Variants in EYS observed in about 807,000 individuals in gnomAD.
EYS encodes EGF-like photoreceptor maintenance factor.
A neutral mutation model predicts 282.1 loss-of-function variants in EYS; 250 were observed. The ratio of observed to expected loss-of-function variants is 0.89; its 90% confidence interval spans 0.80 to 0.98. EYS has a LOEUF of 0.98. Ranked by LOEUF, EYS falls within the 50% of genes least tolerant of loss-of-function variation. The pLI is 0.00. For synonymous variants in EYS, 1,355 were observed against 1,282.9 expected (o/e 1.06, Z -1.20); for missense variants, 4,016 against 3,709.0 (o/e 1.08, Z -2.15).
At chr6:64,640,545 G>A (rs9688667) in intron 22 of EYS, among the ~76,000 whole-genome samples, 106,335 of 147,290 alleles carry the variant, frequency 0.72, 38,680 homozygotes, top group South Asian at 0.83. Flanking sequence ...CAGGAAGGGG[G>A]TCATCACACT....
At chr6:65,134,236 C>A (rs974417786) in intron 12 of EYS, among the ~76,000 whole-genome samples, 16 of 152,044 alleles carry the variant, frequency 1.1e-4, no homozygotes, top group Admixed American at 1.0e-3. Context: ...ACAGAATTAT[C>A]ATTTGACCCA....
chr6:65,588,194 G>T (rs1765118908), intron 2 of EYS, among the ~76,000 whole-genome samples: 2 of 151,938 alleles, frequency 1.3e-5, no homozygotes. Context: ...AAATTCTCTT[G>T]CCACATATTT....
At chr6:65,391,424 T>C (rs373758254) in intron 7 of EYS, among the ~76,000 whole-genome samples, 3 of 152,120 alleles carry the variant, frequency 2.0e-5, no homozygotes, top group Non-Finnish European at 4.4e-5. Context: ...AAAAACCCCA[T>C]TGTCTCAGCC....
At chr6:64,579,283 G>A (rs185086878) in intron 26 of EYS, among the ~76,000 whole-genome samples, 1 of 152,250 alleles carries the variant, frequency 6.6e-6, no homozygotes, top group African/African-American at 2.4e-5. Context: ...GGACAAAAAT[G>A]ATAAGCAGAA....
At chr6:65,544,512 C>A (rs190237435) in intron 2 of EYS, among the ~76,000 whole-genome samples, 88 of 152,118 alleles carry the variant, frequency 5.8e-4, no homozygotes, top group African/African-American at 2.0e-3. Flanking sequence ...GGCTTTCCCC[C>A]CTTTTGCTCT....
At chr6:64,600,310 A>G (rs1403645931) in intron 24 of EYS, among the ~76,000 whole-genome samples, 4 of 152,004 alleles carry the variant, frequency 2.6e-5, no homozygotes, top group African/African-American at 9.7e-5. Flanking sequence ...GTTCTATAAA[A>G]GATACATAGG....
intron 12 of EYS, among the ~76,000 whole-genome samples, chr6:65,124,082 G>A (rs1422149635): frequency 6.6e-6 from 1 of 152,020 alleles, no homozygotes; most frequent in African/African-American, 2.4e-5. Context: ...GCTGAGGTAG[G>A]CGGATCCCTT....
At chr6:64,653,267 A>G (rs1159626651) in intron 22 of EYS, among the ~76,000 whole-genome samples, 1 of 152,160 alleles carries the variant, frequency 6.6e-6, no homozygotes, top group Non-Finnish European at 1.5e-5. Flanking sequence ...ATCAACCCTG[A>G]TAACACCTTG....
chr6:63,720,845 G>A lies in EYS; in HGVS notation c.9186C>T (p.Asn3062=), dbSNP rs1203358626. Residue 3062 remains asparagine (N), a synonymous_variant, in exon 43 of 43, where the codon AAC becomes AAT. Transcript: ENST00000503581. ...CAATATCCTCGGAAAGAATTAGACT[G>A]TTATTTATGTAGGCCTTGATAAGAG... ...NQTLIKAYIN[N]SLILSEDIDP... 43 of 1,550,966 alleles carry A rather than the reference G, an allele frequency of 2.8e-5. No homozygotes were observed. The Admixed American group carries it at 6.7e-4, about 24-fold the overall frequency.
chr6:64,964,477 T>A (rs1000270346), intron 14 of EYS, among the ~76,000 whole-genome samples: 40 of 152,160 alleles, frequency 2.6e-4, no homozygotes. Flanking sequence ...AATTACATTT[T>A]TCTTTCCTGT....
At chr6:64,103,691 G>A (rs566754886) in intron 31 of EYS, among the ~76,000 whole-genome samples, 1 of 152,290 alleles carries the variant, frequency 6.6e-6, no homozygotes, top group South Asian at 2.1e-4. Flanking sequence ...TCTATGAGCA[G>A]AGAAGCAGCA....
intron 29 of EYS, among the ~76,000 whole-genome samples, chr6:64,359,601 T>TCAATCAGAG (rs1771938508): frequency 6.6e-6 from 1 of 151,760 alleles, no homozygotes; most frequent in African/African-American, 2.4e-5. Flanking sequence ...GAATATTTGC[T>TCAATCAGAG]CAATCAGAGT....
chr6:65,299,298 A>T (rs1768749899), intron 11 of EYS, among the ~76,000 whole-genome samples: 1 of 152,088 alleles, frequency 6.6e-6, no homozygotes, highest in African/African-American at 2.4e-5. Context: ...TATTTTTGGT[A>T]ATTTTTCTAC....
At chr6:64,389,801 A>G (rs1422279517) in intron 28 of EYS, among the ~76,000 whole-genome samples, 4 of 152,202 alleles carry the variant, frequency 2.6e-5, no homozygotes, top group African/African-American at 9.7e-5. Context: ...GCTCCGGTCT[A>G]CAGCTCCCAG....
At chr6:64,204,101 A>G (rs1306485525) in intron 31 of EYS, among the ~76,000 whole-genome samples, 1 of 152,216 alleles carries the variant, frequency 6.6e-6, no homozygotes, top group Non-Finnish European at 1.5e-5. Context: ...AGGTACATTA[A>G]ATAAACTACA....
In EYS at chr6:64,886,714, C is replaced by A. The variant is rs566917467; in HGVS notation, c.2975G>T (p.Cys992Phe). 209 of 1,545,128 alleles carry A rather than the reference C, an allele frequency of 1.4e-4. 2 individuals carry two copies. In the South Asian group the frequency reaches 2.4e-3, roughly 18 times the overall value. ...VYRTDGYNCL[C>F]APGYTGINCE... The stretch of plus-strand genomic sequence containing the variant: ...GGATTTACCTGTATAACCAGGGGCA[C>A]AGAGGCAGTTGTATCCATCAGTCCT... Residue 992 changes from cysteine to phenylalanine, a missense_variant, in exon 19 of 43, where the codon TGT becomes TTT. By Grantham distance (205) the Cys-to-Phe change is radical. Coordinates refer to ENST00000503581, the MANE Select transcript of EYS (RefSeq NM_001142800.2).
chr6:64,912,938 A>G (rs1023590699), intron 15 of EYS, among the ~76,000 whole-genome samples, 195 bp from the exon 16 acceptor site: 2 of 152,122 alleles, frequency 1.3e-5, no homozygotes, highest in Non-Finnish European at 2.9e-5. Context: ...CATAAAACTT[A>G]CCACCTTGGC....
At chr6:64,919,058 A>G (rs1768253600) in intron 15 of EYS, among the ~76,000 whole-genome samples, 1 of 152,228 alleles carries the variant, frequency 6.6e-6, no homozygotes. Context: ...GTACATATGT[A>G]GATTCTTTGA....
chr6:65,290,478 A>G (rs1342421417), intron 12 of EYS, among the ~76,000 whole-genome samples: 2 of 151,272 alleles, frequency 1.3e-5, no homozygotes, highest in African/African-American at 2.4e-5. Context: ...TTATTCTATG[A>G]CAATTATACT....
Sources: allele counts gnomAD v4.1 joint callset (sites outside exome capture counted in the v4.1 genomes callset), GRCh38; gene constraint gnomAD v4.1.1; transcripts MANE v1.5; gene names NCBI Gene and HGNC (gene_info 2026-07-23, HGNC 2026-07-21).